ING5: variants seen among roughly 807,000 people sequenced by gnomAD.
The protein encoded by ING5 is inhibitor of growth protein 5.
ING5 carries 17 observed loss-of-function variants against 37.4 expected under a neutral mutation model. That is an observed-to-expected ratio of 0.45 (90% CI 0.31 to 0.68). ING5 has a LOEUF of 0.68. Among genes scored for constraint, ING5 ranks in the 30% least tolerant of loss-of-function variants. The pLI, the probability that ING5 is intolerant of heterozygous loss-of-function variation, is 0.05. For synonymous variants in ING5, 123 were observed against 116.6 expected (o/e 1.06, Z -0.36); for missense variants, 233 against 311.9 (o/e 0.75, Z 1.91).
At chr2:241,692,540 G>A (rs763537520) in intron 2 of ING5, among the ~76,000 whole-genome samples, 3 of 151,574 alleles carry the variant, frequency 2.0e-5, no homozygotes, top group Non-Finnish European at 4.4e-5. Context: ...GGGCCCAAGC[G>A]GTCATCCTGC....
upstream of ING5, among the ~76,000 whole-genome samples, chr2:241,701,007 T>C (rs1336382097): frequency 6.7e-6 from 1 of 149,454 alleles, no homozygotes; most frequent in Non-Finnish European, 1.5e-5. Flanking sequence ...AGAGTCTTGC[T>C]CTGTCGCCCA....
Position 241,720,157 on chromosome 2 carries a change from G to A in ING5, c.483-2782G>A, listed in dbSNP as rs374516599. The A allele has an allele frequency of 1.9e-5, 24 of 1,236,752 alleles. No individual in the cohort carries two copies. The African/African-American group carries it at 2.5e-4, about 13-fold the overall frequency. 76.6% of individuals were successfully genotyped at this position (1,236,752 alleles called of 1,614,324 possible). A position where few individuals can be genotyped will look rare whatever the true frequency, so the allele number is the denominator to read the frequency against. On this transcript the variant is annotated intron_variant, in intron 5 of 7. Coordinates refer to ENST00000313552, the MANE Select transcript of ING5 (RefSeq NM_032329.6). Reference sequence around the variant, plus strand: ...GGTTGGACCCAAAGCCTGGCCTGCCGGGGCGGGAGTGTGCACTCGGGTGCC... The same window carrying A: ...GGTTGGACCCAAAGCCTGGCCTGCCAGGGCGGGAGTGTGCACTCGGGTGCC...
chr2:241,720,726 G>A, intron 5 of ING5: 1 of 985,604 alleles, frequency 1.0e-6, no homozygotes, highest in Non-Finnish European at 1.2e-6. Flanking sequence ...TTAGCACAGA[G>A]GGTGCCTCTT....
chr2:241,702,030 C>T (rs964045883), upstream of ING5: 7 of 1,355,466 alleles, frequency 5.2e-6, no homozygotes, highest in African/African-American at 4.6e-5. Flanking sequence ...CGGCACCGCC[C>T]GCCCGCGCAG....
At chr2:241,717,502 CATTTT>C (rs925910912) in intron 5 of ING5, among the ~76,000 whole-genome samples, 1 of 152,118 alleles carries the variant, frequency 6.6e-6, no homozygotes, top group African/African-American at 2.4e-5. Context: ...AGAACTTTAA[CATTTT>C]TTGCAGTACA....
chr2:241,722,634 T>C, intron 5 of ING5: 5 of 984,948 alleles, frequency 5.1e-6, no homozygotes, highest in African/African-American at 1.7e-5. Flanking sequence ...TCAGAGGGGT[T>C]ATTGAGGTTT....
intron 5 of ING5, 46 bp from the exon 6 acceptor site, chr2:241,722,893 C>A: frequency 1.2e-6 from 2 of 1,609,052 alleles, no homozygotes; most frequent in Non-Finnish European, 1.7e-6. Context: ...TGCCGCCTCA[C>A]TTCCCACCAT....
exon 1 of ING5, chr2:241,687,298 G>A (rs1198685836): frequency 5.0e-6 from 2 of 398,418 alleles, no homozygotes; most frequent in African/African-American, 4.1e-5. Flanking sequence ...GATGCTTCCC[G>A]AAGCGCGGGG....
intron 7 of ING5, among the ~76,000 whole-genome samples, chr2:241,723,503 C>T (rs978250179): frequency 1.3e-5 from 2 of 152,234 alleles, no homozygotes; most frequent in African/African-American, 2.4e-5. Flanking sequence ...AGAGGGATGC[C>T]GTCACCCAGG....
At chr2:241,703,584 G>A (rs2069810010) in intron 1 of ING5, among the ~76,000 whole-genome samples, 1 of 18,426 alleles carries the variant, frequency 5.4e-5, no homozygotes, top group Non-Finnish European at 8.1e-5. Flanking sequence ...GTCTTGGGCA[G>A]CTCAGAGAGA....
At chr2:241,719,349 CG>C (rs1231482556) in intron 5 of ING5, 2 of 643,958 alleles carry the variant, frequency 3.1e-6, no homozygotes, top group Non-Finnish European at 2.8e-6. Flanking sequence ...ATGAGGCAGG[CG>C]GACGCCGCCC....
At chr2:241,696,313 CCTGGG>C (rs1440977393) in intron 2 of ING5, among the ~76,000 whole-genome samples, 6 of 152,020 alleles carry the variant, frequency 3.9e-5, no homozygotes, top group African/African-American at 1.5e-4. Context: ...ATCGCTTGAA[CCTGGG>C]AGGTGGAGGT....
intron 5 of ING5, among the ~76,000 whole-genome samples, chr2:241,713,982 T>TC (rs1014645327): frequency 4.9e-5 from 7 of 143,174 alleles, no homozygotes; most frequent in Non-Finnish European, 1.1e-4. Context: ...AGAGCAAAAC[T>TC]CCGTCTCAAA....
At chr2:241,702,885 G>T (rs991365101) in intron 1 of ING5, among the ~76,000 whole-genome samples, 4 of 152,270 alleles carry the variant, frequency 2.6e-5, no homozygotes, top group Non-Finnish European at 2.9e-5. Context: ...TGGGGTCGCG[G>T]TGTTTGGGGT....
chr2:241,723,136 G>A, intron 6 of ING5, 62 bp downstream of exon 6: 1 of 1,613,872 alleles, frequency 6.2e-7, no homozygotes, highest in Non-Finnish European at 8.5e-7. Flanking sequence ...AGGGCTGGCG[G>A]ATGTTGGCAT....
chr2:241,724,188 A>G (rs1329121936), intron 7 of ING5: 3 of 546,290 alleles, frequency 5.5e-6, no homozygotes, highest in East Asian at 1.8e-4. Context: ...AGAGCCAGTT[A>G]TCCTTGGTGT....
intron 5 of ING5, among the ~76,000 whole-genome samples, chr2:241,713,095 T>C (rs2070162952): frequency 6.6e-6 from 1 of 151,618 alleles, no homozygotes; most frequent in Admixed American, 6.6e-5. Flanking sequence ...TCGCTCTTGT[T>C]GCCCAAGCTG....
At position 241,728,965 on chromosome 2, in the gene ING5, C is replaced by G. The variant is rs1691722006; in HGVS notation, c.*3934C>G. 1 of 152,232 alleles carries G rather than the reference C, an allele frequency of 6.6e-6. No individual in the cohort carries two copies. Among genetic ancestry groups the G allele is most frequent in the Non-Finnish European group, 1.5e-5 (1 of 68,044 alleles). The allele number at this position is 152,232 out of a possible 1,614,324, so 9.4% of individuals were successfully genotyped here. ...GCCTCCTGTCCTGTCGTTGGGAGCC[C>G]TGGCTGGGGCTGCTTTGAGCAATGA... is the stretch of plus-strand genomic sequence containing the variant. On this transcript the variant is annotated 3_prime_UTR_variant, in exon 8 of 8. Transcript: ENST00000313552.
At chr2:241,695,334 C>T (rs565048413) in intron 2 of ING5, among the ~76,000 whole-genome samples, 4 of 152,078 alleles carry the variant, frequency 2.6e-5, no homozygotes, top group African/African-American at 9.7e-5. Context: ...TTTTCTGTCA[C>T]ACTGGACAGG....
Sources: allele counts gnomAD v4.1 joint callset (sites outside exome capture counted in the v4.1 genomes callset), GRCh38; gene constraint gnomAD v4.1.1; transcripts MANE v1.5; gene names NCBI Gene and HGNC (gene_info 2026-07-23, HGNC 2026-07-21).